MTMR8: variants seen among roughly 807,000 people sequenced by gnomAD.
MTMR8 encodes phosphatidylinositol-3,5-bisphosphate 3-phosphatase MTMR8.
Under a neutral mutation model 39.3 loss-of-function variants are expected in MTMR8, and 65 were observed. The ratio of observed to expected loss-of-function variants is 1.65; its 90% CI spans 1.35 to 2.03. The LOEUF is 2.03. Ranked by LOEUF, MTMR8 falls within the 30% of genes most tolerant of loss-of-function variation. The pLI, the probability that MTMR8 is intolerant of heterozygous loss-of-function variation, is 0.00. For synonymous variants in MTMR8, 245 were observed against 185.2 expected (o/e 1.32, Z -2.62); for missense variants, 777 against 538.9 (o/e 1.44, Z -4.37).
At chrX:64,323,541 G>A (rs1375230502) in intron 12 of MTMR8, among the ~76,000 whole-genome samples, 1 of 111,564 alleles carries the variant, frequency 9.0e-6, no homozygotes. Flanking sequence ...ACATTTAAAG[G>A]ACACACTAAA....
chrX:64,276,402 G>A (rs1390997797), intron 12 of MTMR8, among the ~76,000 whole-genome samples: 1 of 111,318 alleles, frequency 9.0e-6, no homozygotes, highest in Non-Finnish European at 1.9e-5. Context: ...GATCTTTCCT[G>A]CTTTCCCCTG....
At chrX:64,271,906 T>C (rs936409667) in intron 12 of MTMR8, among the ~76,000 whole-genome samples, 2 of 111,375 alleles carry the variant, frequency 1.8e-5, no homozygotes, top group African/African-American at 6.5e-5. Flanking sequence ...GGGAAAAGAG[T>C]TGGAACATGC....
intron 1 of MTMR8, among the ~76,000 whole-genome samples, chrX:64,392,037 G>A (rs181151050): frequency 9.0e-6 from 1 of 111,672 alleles, no homozygotes; most frequent in African/African-American, 3.3e-5. Flanking sequence ...AAAATACATA[G>A]AACAAATTCT....
intron 1 of MTMR8, among the ~76,000 whole-genome samples, chrX:64,388,080 G>T (rs1040506817): frequency 1.8e-5 from 2 of 111,751 alleles, no homozygotes; most frequent in African/African-American, 6.5e-5. Context: ...TTTCTAGGAA[G>T]GGAGGAAGAG....
intron 12 of MTMR8, among the ~76,000 whole-genome samples, chrX:64,285,719 A>G (rs1364862632): frequency 8.9e-6 from 1 of 112,055 alleles, no homozygotes; most frequent in African/African-American, 3.2e-5. Context: ...CTGCTCCTGA[A>G]TGACTACTGG....
intron 12 of MTMR8, among the ~76,000 whole-genome samples, chrX:64,299,467 TC>T (rs1309590227): frequency 9.3e-6 from 1 of 107,059 alleles, no homozygotes; most frequent in Non-Finnish European, 1.9e-5. Context: ...GAGTCTTCTC[TC>T]TTTTTTTCTT....
At chrX:64,357,002 T>C (rs760524653) in intron 2 of MTMR8, among the ~76,000 whole-genome samples, 1 of 112,024 alleles carries the variant, frequency 8.9e-6, no homozygotes, top group Admixed American at 9.5e-5. Flanking sequence ...TTTTAAACTC[T>C]AGTGACAGTA....
intron 1 of MTMR8, among the ~76,000 whole-genome samples, chrX:64,368,372 T>C (rs193207441): frequency 1.8e-5 from 2 of 111,601 alleles, no homozygotes; most frequent in East Asian, 5.6e-4. Flanking sequence ...TTCAAGGCTA[T>C]AGTAACCAAA....
chrX:64,297,331 GTGA>G (rs1921649800), intron 12 of MTMR8, among the ~76,000 whole-genome samples: 2 of 110,144 alleles, frequency 1.8e-5, no homozygotes, highest in South Asian at 3.9e-4. Flanking sequence ...CTGATGGCTA[GTGA>G]TGATGAGCAT....
chrX:64,356,346 A>G lies in MTMR8; in HGVS notation c.148-8T>C. On this transcript the variant is annotated splice_polypyrimidine_tract_variant and splice_region_variant and intron_variant, in intron 2 of 13. Transcript: ENST00000374852. Reference sequence around the variant, plus strand: ...AATGTGATGGAGTGCAATCTGAAAAACATAAAAGAACCAGCGTAAACATAC... The same window carrying G: ...AATGTGATGGAGTGCAATCTGAAAAGCATAAAAGAACCAGCGTAAACATAC... The G allele has an allele frequency of 8.4e-7, 1 of 1,196,551 alleles. No homozygotes were observed. Among genetic ancestry groups the G allele is most frequent in the Non-Finnish European group, 1.1e-6 (1 of 888,393 alleles).
At chrX:64,339,415 T>C (rs1412012484) in intron 8 of MTMR8, among the ~76,000 whole-genome samples, 1 of 110,961 alleles carries the variant, frequency 9.0e-6, no homozygotes, top group African/African-American at 3.3e-5. Flanking sequence ...AACAAGTGAC[T>C]CTTAGATATG....
At chrX:64,318,708 G>GTTTTTTTTTT (rs1209006743) in intron 12 of MTMR8, among the ~76,000 whole-genome samples, 2 of 82,402 alleles carry the variant, frequency 2.4e-5, no homozygotes, top group African/African-American at 9.0e-5. Context: ...TTGGTTTTTT[G>GTTTTTTTTTT]TTTTTTTTTT....
At chrX:64,344,879 T>C (rs1923308593) in intron 7 of MTMR8, among the ~76,000 whole-genome samples, 166 bp downstream of exon 7, 1 of 111,774 alleles carries the variant, frequency 8.9e-6, no homozygotes, top group African/African-American at 3.3e-5. Flanking sequence ...ACTGCTATAA[T>C]TCAGTACTAT....
At chrX:64,371,507 G>A (rs1335407491) in intron 1 of MTMR8, among the ~76,000 whole-genome samples, 11 of 111,269 alleles carry the variant, frequency 9.9e-5, no homozygotes, top group Non-Finnish European at 2.1e-4. Context: ...GAACATATAA[G>A]TATAAACCAG....
chrX:64,352,267 C>T (rs926500001), intron 4 of MTMR8, among the ~76,000 whole-genome samples: 1 of 111,574 alleles, frequency 9.0e-6, no homozygotes, highest in African/African-American at 3.3e-5. Flanking sequence ...TCCTACGTCA[C>T]TCTGCTGAGA....
At chrX:64,345,888 G>A (rs1569225265) in intron 6 of MTMR8, among the ~76,000 whole-genome samples, 1 of 112,204 alleles carries the variant, frequency 8.9e-6, no homozygotes, top group African/African-American at 3.2e-5. Context: ...CAAAGTGCTG[G>A]GATTACAGGC....
intron 5 of MTMR8, among the ~76,000 whole-genome samples, chrX:64,349,306 T>C (rs1330476246): frequency 8.9e-6 from 1 of 111,736 alleles, no homozygotes; most frequent in Non-Finnish European, 1.9e-5. Context: ...CATGAATGTC[T>C]GGTAATGATT....
At chrX:64,318,708 G>GTTTTTTTTTTTTT (rs1209006743) in intron 12 of MTMR8, among the ~76,000 whole-genome samples, 3 of 82,403 alleles carry the variant, frequency 3.6e-5, no homozygotes, top group Non-Finnish European at 4.8e-5. Context: ...TTGGTTTTTT[G>GTTTTTTTTTTTTT]TTTTTTTTTT....
At chrX:64,395,318 C>T (rs912747310) in intron 1 of MTMR8, 22 bp downstream of exon 1, 7 of 1,209,162 alleles carry the variant, frequency 5.8e-6, no homozygotes, top group South Asian at 1.8e-5. Context: ...GGCTGTCAGC[C>T]TCGCTTAACT....
Sources: allele counts gnomAD v4.1 joint callset (sites outside exome capture counted in the v4.1 genomes callset), GRCh38; gene constraint gnomAD v4.1.1; transcripts MANE v1.5; gene names NCBI Gene and HGNC (gene_info 2026-07-23, HGNC 2026-07-21).